Variants in KIF17 observed in about 807,000 individuals in gnomAD.
KIF17 encodes kinesin family member 17, also known as kinesin-like protein KIF17.
Under a neutral mutation model 96.8 loss-of-function variants are expected in KIF17, and 80 were observed. That is an observed-to-expected ratio of 0.83 (90% CI 0.69 to 1.00). The LOEUF is 1.00. KIF17 is among the 50% of genes least tolerant of loss of function. KIF17 has a pLI of 0.00. For missense variants in KIF17, 1,280 were observed against 1,372.9 expected (o/e 0.93, Z 1.07); for synonymous variants, 567 against 587.5 (o/e 0.97, Z 0.51).
At chr1:20,712,818 A>ATATAGATAATATCTATAT in intron 3 of KIF17, among the ~76,000 whole-genome samples, 1 of 32,632 alleles carries the variant, frequency 3.1e-5, no homozygotes, top group Admixed American at 3.4e-4. Context: ...TATATATATA[A>ATATAGATAATATCTATAT]TATAGATATT....
At chr1:20,664,786 C>T (rs1341635902) in intron 14 of KIF17, 24 bp from the exon 15 acceptor site, 4 of 1,608,082 alleles carry the variant, frequency 2.5e-6, no homozygotes, top group African/African-American at 2.7e-5. Context: ...GGCAGAGGTG[C>T]TGGTAAGCCA....
At chr1:20,686,001 G>T in intron 9 of KIF17, 45 bp downstream of exon 9, 4 of 1,463,330 alleles carry the variant, frequency 2.7e-6, no homozygotes, top group East Asian at 2.5e-5. Context: ...CCAGGAAGTT[G>T]AAGAGAACCC....
At chr1:20,682,176 A>G (rs2053841041) in intron 11 of KIF17, among the ~76,000 whole-genome samples, 1 of 151,886 alleles carries the variant, frequency 6.6e-6, no homozygotes. Flanking sequence ...GTGCACACAC[A>G]TACAACATAC....
At chr1:20,669,101 T>C (rs1009750763) in intron 13 of KIF17, among the ~76,000 whole-genome samples, 2 of 152,072 alleles carry the variant, frequency 1.3e-5, no homozygotes. Context: ...TTCATGGAGT[T>C]GTGTCATGGA....
chr1:20,698,786 G>A (rs1036019588), intron 5 of KIF17, among the ~76,000 whole-genome samples: 7 of 152,102 alleles, frequency 4.6e-5, no homozygotes, highest in African/African-American at 1.7e-4. Context: ...GAAATGCCTC[G>A]TGGTGGTGTT....
At chr1:20,683,563 G>A (rs1352008617) in intron 10 of KIF17, among the ~76,000 whole-genome samples, 4 of 152,080 alleles carry the variant, frequency 2.6e-5, no homozygotes, top group East Asian at 3.9e-4. Flanking sequence ...GCTGAGGCAC[G>A]AGAATTGCTT....
At chr1:20,682,026 A>G (rs2053837754) in intron 11 of KIF17, among the ~76,000 whole-genome samples, 1 of 152,150 alleles carries the variant, frequency 6.6e-6, no homozygotes, top group African/African-American at 2.4e-5. Context: ...TCGCCCTGGT[A>G]TTCTCTTCAC....
chr1:20,690,352 G>GGGGGGGGGGGCCCCC lies in KIF17; in HGVS notation c.1234-18_1234-17insGGGGGCCCCCCCCCC. ...TTCATACTCCTGGGGGGGTGGGAGGGACCAGAGGGCAGGCAGCATTTTATC... is the reference window on the plus strand; with the variant it reads ...TTCATACTCCTGGGGGGGTGGGAGGGGGGGGGGGGGCCCCCACCAGAGGGCAGGCAGCATTTTATC... On this transcript the variant is annotated splice_polypyrimidine_tract_variant and intron_variant, in intron 6 of 14. Transcript: ENST00000400463. 1 of 451,148 alleles carries GGGGGGGGGGGCCCCC rather than the reference G, an allele frequency of 2.2e-6. No individual in the cohort carries two copies. The highest frequency in any genetic ancestry group is 4.3e-6 in the Non-Finnish European group (1 of 235,136). The allele number at this position is 451,148 out of a possible 1,614,324, so 27.9% of individuals were successfully genotyped here.
Position 20,713,517 on chromosome 1 carries a change from G to A in KIF17, c.417C>T (p.Tyr139=). 1 of 1,613,350 alleles carries A rather than the reference G, an allele frequency of 6.2e-7. No homozygotes were observed. Among genetic ancestry groups the A allele is most frequent in the Non-Finnish European group, 8.5e-7 (1 of 1,179,906 alleles). Residue 139 remains tyrosine, a synonymous_variant, in exon 3 of 15, where the codon TAC becomes TAT. Transcript: ENST00000400463. ...ENTKFLVRAS[Y]LEIYNEDVRD... ...GGACATCTTCATTGTAGATCTCCAG[G>A]TAGGAGGCCCGGACCAGGAACTTAG... is the stretch of plus-strand genomic sequence containing the variant.
At position 20,717,507 on chromosome 1, in the gene KIF17, A is replaced by G. The variant is rs779848495; in HGVS notation, c.200T>C (p.Ile67Thr). ...CAGCGGATAGGCGATCTCGTTGTAGATCTGCTCGGTGACGTGGTCCACGTG... is the reference window on the plus strand; with the variant it reads ...CAGCGGATAGGCGATCTCGTTGTAGGTCTGCTCGGTGACGTGGTCCACGTG... Reference protein sequence around the residue: ...AYHVDHVTEQIYNEIAYPLVE... With the variant: ...AYHVDHVTEQTYNEIAYPLVE... Residue 67 changes from isoleucine (I) to threonine (T), a missense_variant, in exon 1 of 15, where the codon ATC (isoleucine) becomes ACC (threonine). By Grantham distance (89) the Ile-to-Thr change is moderately conservative. Transcript: ENST00000400463. The G allele has an allele frequency of 4.3e-6, 7 of 1,611,534 alleles. No homozygotes were observed. The highest frequency in any genetic ancestry group is 3.3e-4 in the Middle Eastern group (2 of 6,082).
At chr1:20,698,146 G>C (rs935157494) in intron 6 of KIF17, among the ~76,000 whole-genome samples, 7 of 152,210 alleles carry the variant, frequency 4.6e-5, no homozygotes, top group Non-Finnish European at 1.0e-4. Context: ...CAGGCCCTAA[G>C]GCGGCATTGA....
At position 20,700,040 on chromosome 1, in the gene KIF17, G is replaced by A. The variant is rs540232631; in HGVS notation, c.1124-1552C>T. Among the ~76,000 whole-genome samples the A allele has an allele frequency of 6.6e-6, 1 of 152,288 alleles. No individual in the cohort carries two copies. The highest frequency in any genetic ancestry group is 1.9e-4 in the East Asian group (1 of 5,184). On this transcript the variant is annotated intron_variant, in intron 5 of 14. Coordinates refer to ENST00000400463, the MANE Select transcript of KIF17 (RefSeq NM_001122819.3). This position sits in a 1 kb window ranked among gnomAD's most constrained non-coding sequence, Gnocchi z 4.6. ...GTGCAGAAACTCAGTCTGGAGGGCAGCAGTGAACTGGCTGTAGCCAGTTTT... is the reference window on the plus strand; with the variant it reads ...GTGCAGAAACTCAGTCTGGAGGGCAACAGTGAACTGGCTGTAGCCAGTTTT...
chr1:20,712,881 TATAATATAG>T (rs2054496576), intron 3 of KIF17, among the ~76,000 whole-genome samples: 1 of 26,010 alleles, frequency 3.8e-5, no homozygotes, highest in Non-Finnish European at 8.9e-5. Context: ...ATTATCTATA[TATAATATAG>T]ATAATATTAT....
downstream of KIF17, among the ~76,000 whole-genome samples, chr1:20,663,337 C>G (rs1314377106): frequency 6.6e-6 from 1 of 152,226 alleles, no homozygotes; most frequent in Non-Finnish European, 1.5e-5. Flanking sequence ...CACCCCCACC[C>G]CAGCTTCTCA....
intron 10 of KIF17, among the ~76,000 whole-genome samples, chr1:20,683,815 G>A (rs774957681): frequency 2.0e-5 from 3 of 152,270 alleles, no homozygotes; most frequent in Non-Finnish European, 2.9e-5. Context: ...CCAAATGCCC[G>A]GGCCGGGTCC....
chr1:20,717,247 T>G (rs2054593643), intron 1 of KIF17: 1 of 567,748 alleles, frequency 1.8e-6, no homozygotes, highest in Non-Finnish European at 3.1e-6. Context: ...GAGAATCGCT[T>G]GAACCCGGGA....
chr1:20,698,343 G>A (rs756471778), intron 6 of KIF17, 36 bp downstream of exon 6: 3 of 1,486,308 alleles, frequency 2.0e-6, no homozygotes, highest in Non-Finnish European at 2.8e-6. Context: ...CCACCTGCCT[G>A]TCCCTTCTCC....
chr1:20,717,783 G>GCGGGGCCAGCGC lies in KIF17; in HGVS notation c.-89_-78dup. 1.4e-6 allele frequency: 2 copies of GCGGGGCCAGCGC among 1,406,228 alleles called. No individual in the cohort carries two copies. Among genetic ancestry groups the GCGGGGCCAGCGC allele is most frequent in the Non-Finnish European group, 1.8e-6 (2 of 1,088,650 alleles). The allele number at this position is 1,406,228 out of a possible 1,614,324, so 87.1% of individuals were successfully genotyped here. On this transcript the variant is annotated 5_prime_UTR_variant, in exon 1 of 15. Transcript: ENST00000400463. ...GACTCCCAGCAGCCCGGGCCAAGGG[G>GCGGGGCCAGCGC]CGGGGCCAGCGCCGGCCACGGGGGG...
chr1:20,687,436 C>T lies in KIF17; in HGVS notation c.1890G>A (p.Val630=). Residue 630 remains valine, a synonymous_variant, in exon 8 of 15, where the codon GTG becomes GTA. Transcript: ENST00000400463. The surrounding 1 kb of genome is among the most constrained non-coding windows in gnomAD (Gnocchi z 4.4). ...EAKLARLSST[V]ARTDAPQADV... The stretch of plus-strand genomic sequence containing the variant: ...CTGCCTGGGGTGCATCTGTCCTGGC[C>T]ACGGTGGAGGAGAGTCTGGCCAGCT... 6.2e-7 allele frequency: 1 copy of T among 1,613,918 alleles called. No homozygotes were observed. The highest frequency in any genetic ancestry group is 8.5e-7 in the Non-Finnish European group (1 of 1,180,026).
Sources: allele counts gnomAD v4.1 joint callset (sites outside exome capture counted in the v4.1 genomes callset), GRCh38; gene constraint gnomAD v4.1.1; non-coding constraint Gnocchi (gnomAD v3.1); transcripts MANE v1.5; gene names NCBI Gene and HGNC (gene_info 2026-07-23, HGNC 2026-07-21).